Variants in UGCG observed in about 807,000 individuals in gnomAD.
UGCG encodes ceramide glucosyltransferase.
UGCG carries 10 observed loss-of-function variants against 49.5 expected under a neutral mutation model. That is an observed-to-expected ratio of 0.20 (90% CI 0.12 to 0.34). The LOEUF is 0.34. Ranked by LOEUF, UGCG falls within the 10% of genes least tolerant of loss-of-function variation. UGCG has a pLI of 1.00. For missense variants in UGCG, 312 were observed against 483.7 expected (o/e 0.65, Z 3.33); for synonymous variants, 182 against 158.2 (o/e 1.15, Z -1.13).
At chr9:111,919,794 CAAAA>C (rs61089422) in intron 2 of UGCG, among the ~76,000 whole-genome samples, 4 of 76,320 alleles carry the variant, frequency 5.2e-5, no homozygotes, top group Admixed American at 1.5e-4. Flanking sequence ...GACTCCATCT[CAAAA>C]AAAAAAAAAA....
chr9:111,901,773 TTC>T (rs1485608392), intron 1 of UGCG, among the ~76,000 whole-genome samples: 1 of 152,200 alleles, frequency 6.6e-6, no homozygotes, highest in Non-Finnish European at 1.5e-5. Context: ...ATCCCTGCCT[TTC>T]TCTCTGACAT....
rs35083061 is a variant in UGCG, at chr9:111,913,599, A to ATT, written c.99-987_99-986dup. 2.0e-3 allele frequency among the ~76,000 whole-genome samples: 261 copies of ATT among 132,202 alleles called. 6 individuals are homozygous for ATT. In the East Asian group the frequency reaches 0.031, roughly 16 times the overall value. The allele number at this position is 132,202 out of a possible 152,430, so 86.7% of individuals were successfully genotyped here. Reference sequence around the variant, plus strand: ...AGGCACCCACCACCACGCCCAGCTAATTTTTTTTTTTTTTTTTTTTAGTAG... The same window carrying ATT: ...AGGCACCCACCACCACGCCCAGCTAATTTTTTTTTTTTTTTTTTTTTTAGTAG... On this transcript the variant is annotated intron_variant, in intron 1 of 8. Coordinates refer to ENST00000374279, the MANE Select transcript of UGCG (RefSeq NM_003358.3).
intron 6 of UGCG, among the ~76,000 whole-genome samples, chr9:111,930,359 T>C (rs1028271515): frequency 6.6e-6 from 1 of 152,224 alleles, no homozygotes; most frequent in African/African-American, 2.4e-5. Flanking sequence ...GACTATCATT[T>C]CAAAATTTGA....
At chr9:111,900,476 A>ATGTGTG (rs10551745) in intron 1 of UGCG, among the ~76,000 whole-genome samples, 2 of 150,554 alleles carry the variant, frequency 1.3e-5, no homozygotes, top group African/African-American at 4.9e-5. Context: ...GTATATGTAT[A>ATGTGTG]TGTGTGTGTG....
At chr9:111,920,364 AT>A (rs530954485) in intron 2 of UGCG, among the ~76,000 whole-genome samples, 10 of 152,052 alleles carry the variant, frequency 6.6e-5, no homozygotes, top group African/African-American at 2.2e-4. Context: ...AATTTCTTTT[AT>A]TTTTATTTTC....
At chr9:111,926,247 T>G in intron 4 of UGCG, 137 bp from the exon 5 acceptor site, 1 of 524,740 alleles carries the variant, frequency 1.9e-6, no homozygotes. Flanking sequence ...ATTCATTTTA[T>G]TAGATCCATA....
chr9:111,927,785 A>G (rs1838351473), intron 5 of UGCG, among the ~76,000 whole-genome samples: 1 of 152,166 alleles, frequency 6.6e-6, no homozygotes, highest in African/African-American at 2.4e-5. Context: ...ACATTGTATC[A>G]TTTGGACACT....
rs530123276 is a variant in UGCG at position 111,919,550 on chromosome 9, G to A, written c.241-3299G>A. ...CTCACACCTGTAATCCCAGCACTCT[G>A]GGAGGCCGAGGCAGGCAGATCACGA... is the stretch of plus-strand genomic sequence containing the variant. On this transcript the variant is annotated intron_variant, in intron 2 of 8. Transcript: ENST00000374279. Among the ~76,000 whole-genome samples the A allele has an allele frequency of 2.6e-5, 4 of 152,130 alleles. No homozygotes were observed. In the South Asian group the frequency reaches 8.3e-4, roughly 32 times the overall value.
chr9:111,902,721 G>A (rs80350070), intron 1 of UGCG, among the ~76,000 whole-genome samples: 5,654 of 151,914 alleles, frequency 0.037, 149 homozygotes, highest in African/African-American at 0.072. Flanking sequence ...TGTTAAGCAA[G>A]GTGAACTTTT....
At chr9:111,925,870 A>G (rs1473350825) in intron 4 of UGCG, among the ~76,000 whole-genome samples, 1 of 152,232 alleles carries the variant, frequency 6.6e-6, no homozygotes, top group Non-Finnish European at 1.5e-5. Flanking sequence ...TTCATTCTTC[A>G]TATTTGCTAT....
At chr9:111,930,252 CTG>C (rs1417263957) in intron 6 of UGCG, among the ~76,000 whole-genome samples, 6 of 152,042 alleles carry the variant, frequency 3.9e-5, no homozygotes, top group Non-Finnish European at 8.8e-5. Flanking sequence ...GTAAGTTTCT[CTG>C]TGTTTAGAAT....
chr9:111,923,229 G>A (rs1178138684), intron 3 of UGCG, among the ~76,000 whole-genome samples: 1 of 151,756 alleles, frequency 6.6e-6, no homozygotes, highest in Non-Finnish European at 1.5e-5. Context: ...TTAAATGTGT[G>A]GCCTTTTCTG....
chr9:111,933,621 T>C lies in UGCG; in HGVS notation c.*624T>C, dbSNP rs1251196113. On this transcript the variant is annotated 3_prime_UTR_variant, in exon 9 of 9. Transcript: ENST00000374279. The stretch of plus-strand genomic sequence containing the variant: ...AAAAAAAATGATATAAGAGCTGGAG[T>C]CTAGTATTTATATGAATCTGTGAGA... 2.0e-5 allele frequency: 3 copies of C among 151,566 alleles called. No homozygotes were observed. The highest frequency in any genetic ancestry group is 2.1e-4 in the South Asian group (1 of 4,802). The allele number at this position is 151,566 out of a possible 1,614,324, so 9.4% of individuals were successfully genotyped here.
At chr9:111,920,854 T>C (rs1275677398) in intron 2 of UGCG, among the ~76,000 whole-genome samples, 1 of 152,164 alleles carries the variant, frequency 6.6e-6, no homozygotes, top group Non-Finnish European at 1.5e-5. Flanking sequence ...ATGGACATAA[T>C]TAACCTCCCT....
chr9:111,908,263 A>G (rs559397861), intron 1 of UGCG, among the ~76,000 whole-genome samples: 3 of 152,254 alleles, frequency 2.0e-5, no homozygotes, highest in Non-Finnish European at 2.9e-5. Context: ...GAGTGAATAC[A>G]TGATAGCTAA....
At chr9:111,912,917 G>A (rs374180884) in intron 1 of UGCG, among the ~76,000 whole-genome samples, 8 of 152,076 alleles carry the variant, frequency 5.3e-5, no homozygotes, top group South Asian at 2.1e-4. Context: ...GTGTGTGCAC[G>A]TGTGTGTAAA....
chr9:111,920,037 C>CT (rs767862960), intron 2 of UGCG, among the ~76,000 whole-genome samples: 60 of 152,142 alleles, frequency 3.9e-4, no homozygotes, highest in Non-Finnish European at 3.8e-4. Flanking sequence ...AGAGTCAGCT[C>CT]TTAAGGAAAT....
intron 2 of UGCG, chr9:111,915,860 A>G: frequency 1.0e-6 from 1 of 971,320 alleles, no homozygotes; most frequent in Non-Finnish European, 1.2e-6. Context: ...AGTATCATTC[A>G]GTTGTATTTT....
chr9:111,931,955 G>A (rs1345759707), intron 7 of UGCG: 8 of 548,992 alleles, frequency 1.5e-5, no homozygotes, highest in Non-Finnish European at 2.6e-5. Flanking sequence ...CTTGAGCCTG[G>A]GAGATTGAAG....
Sources: gnomAD v4.1 joint callset for allele counts (sites outside exome capture counted in the v4.1 genomes callset) on GRCh38, gnomAD v4.1.1 for gene constraint, MANE v1.5 for transcripts, NCBI Gene and HGNC (gene_info 2026-07-23, HGNC 2026-07-21) for gene names.